NPHP4: variants seen among roughly 807,000 people sequenced by gnomAD.
The protein encoded by NPHP4 is nephrocystin 4.
Under a neutral mutation model 155.8 loss-of-function variants are expected in NPHP4, and 151 were observed. That is an observed-to-expected ratio of 0.97 (90% CI 0.85 to 1.11). NPHP4 has a LOEUF of 1.11. Ranked by LOEUF, NPHP4 falls within the 50% of genes least tolerant of loss-of-function variation. The probability of loss-of-function intolerance (pLI) is 0.00; values close to 1 mark genes in which losing one functional copy is unlikely to be tolerated. For synonymous variants in NPHP4, 845 were observed against 816.8 expected, an observed-to-expected ratio of 1.03 and a Z score of -0.59; for missense variants, 1,956 against 1,925.7, an observed-to-expected ratio of 1.02 and a Z score of -0.29.
intron 11 of NPHP4, 66 bp downstream of exon 11, chr1:5,927,583 C>T: frequency 6.6e-7 from 1 of 1,512,726 alleles, no homozygotes; most frequent in Non-Finnish European, 9.0e-7. Context: ...AAGTACCTTT[C>T]CCCGGGAAGA....
intron 19 of NPHP4, chr1:5,879,567 C>A (rs546216970): frequency 1.5e-5 from 8 of 519,060 alleles, no homozygotes; most frequent in South Asian, 1.1e-4. Flanking sequence ...AGCAGCCAAC[C>A]AGACACAAAT....
intron 5 of NPHP4, among the ~76,000 whole-genome samples, chr1:5,962,836 C>T (rs1179311360): frequency 1.3e-5 from 2 of 152,188 alleles, no homozygotes; most frequent in African/African-American, 4.8e-5. Context: ...TTCCCAGAAA[C>T]GGGAGTGCGG....
intron 16 of NPHP4, among the ~76,000 whole-genome samples, chr1:5,894,511 T>C (rs1007375942): frequency 1.3e-5 from 2 of 151,634 alleles, no homozygotes; most frequent in Non-Finnish European, 2.9e-5. Context: ...CATAAATAAC[T>C]TTCTGTCAAA....
chr1:5,920,695 T>C (rs1393406480), intron 11 of NPHP4, among the ~76,000 whole-genome samples: 1 of 152,250 alleles, frequency 6.6e-6, no homozygotes, highest in Non-Finnish European at 1.5e-5. Context: ...CTGCTTCTTA[T>C]TGATTTGGAG....
At chr1:5,877,409 T>C (rs752817277) in intron 19 of NPHP4, 111 bp from the exon 20 acceptor site, 6 of 739,076 alleles carry the variant, frequency 8.1e-6, no homozygotes, top group Non-Finnish European at 1.1e-5. Flanking sequence ...AGCTCAAGAG[T>C]GCGGCTCATG....
rs756370084 is a variant in NPHP4 at position 5,874,987 on chromosome 1, C to T, written c.2931G>A (p.Thr977=). ...IASLLSLAIT[T]EHTLHATLGV... ...CCAGCGTGGCGTGGAGCGTGTGCTCCGTGGTGATGGCCAGGCTCAGCAGGC... is the reference window on the plus strand; with the variant it reads ...CCAGCGTGGCGTGGAGCGTGTGCTCTGTGGTGATGGCCAGGCTCAGCAGGC... Residue 977 remains threonine, a synonymous_variant, in exon 21 of 30, where the codon ACG becomes ACA. Coordinates refer to ENST00000378156, the MANE Select transcript of NPHP4 (RefSeq NM_015102.5). 175 of 1,612,534 alleles carry T rather than the reference C, an allele frequency of 1.1e-4. No homozygotes were observed. The highest frequency in any genetic ancestry group is 2.6e-4 in the South Asian group (24 of 91,078).
rs751938743 is a variant in NPHP4, at chr1:5,867,864, G to A, written c.3348C>T (p.Ile1116=). 1.1e-5 allele frequency: 18 copies of A among 1,613,934 alleles called. No individual in the cohort carries two copies. Among genetic ancestry groups the A allele is most frequent in the South Asian group, 3.3e-5 (3 of 91,086 alleles). The change falls in exon 24 of 30, where the codon ATC becomes ATT. Residue 1116 remains isoleucine, a synonymous_variant. Transcript: ENST00000378156. This position sits in a 1 kb window ranked among gnomAD's most constrained non-coding sequence, Gnocchi z 4.1. Reference sequence around the variant, plus strand: ...GCTCCACAGTCAGGCAGAGCACGGCGATGGGCTTGCCACCACTCGCTCGGA... The same window carrying A: ...GCTCCACAGTCAGGCAGAGCACGGCAATGGGCTTGCCACCACTCGCTCGGA... ...VLFRASGGKP[I]AVLCLTVELQ... is the part of the protein sequence containing the mutation.
intron 7 of NPHP4, among the ~76,000 whole-genome samples, chr1:5,948,484 G>C (rs1413664669): frequency 6.6e-6 from 1 of 152,222 alleles, no homozygotes; most frequent in Non-Finnish European, 1.5e-5. Context: ...AACACAGCAT[G>C]ATCCTCTCAG....
Position 5,873,310 on chromosome 1 carries a change from T to C in NPHP4, c.3257A>G (p.Lys1086Arg), listed in dbSNP as rs1422091997. ...CCAAGGTGACACGGCGTCCATGCCC[T>C]TCTCGTTGCTCAACCCAGGAGAGGC... Reference protein sequence around the residue: ...VQASPGLSNEKGMDAVSPWKS... With the variant: ...VQASPGLSNERGMDAVSPWKS... Residue 1086 changes from lysine to arginine, a missense_variant, in exon 23 of 30, where the codon AAG (lysine) becomes AGG (arginine). Lys to Arg is a conservative substitution (Grantham distance 26). Transcript: ENST00000378156. 6.2e-7 allele frequency: 1 copy of C among 1,613,914 alleles called. No individual in the cohort carries two copies. The highest frequency in any genetic ancestry group is 1.3e-5 in the African/African-American group (1 of 75,034).
At chr1:5,941,730 G>A (rs138089503) in intron 9 of NPHP4, among the ~76,000 whole-genome samples, 4 of 152,302 alleles carry the variant, frequency 2.6e-5, no homozygotes, top group Non-Finnish European at 4.4e-5. Context: ...GACTCCATCC[G>A]GCCAAATCTG....
intron 11 of NPHP4, among the ~76,000 whole-genome samples, chr1:5,913,900 A>G (rs1645318061): frequency 6.6e-6 from 1 of 152,232 alleles, no homozygotes; most frequent in Admixed American, 6.5e-5. Flanking sequence ...TGTTACCCAG[A>G]GTAATAATAC....
At position 5,892,508 on chromosome 1, in the gene NPHP4, T is replaced by C. The variant is rs1441952848; in HGVS notation, c.2144-1480A>G. ...TCCCACATGGTGGGGGCGCAGTTAT[T>C]TGTTTGCTGAGTAAGTGAATTAATG... On this transcript the variant is annotated intron_variant, in intron 16 of 29. Transcript: ENST00000378156. This position sits in a 1 kb window ranked among gnomAD's most constrained non-coding sequence, Gnocchi z 4.5. Among the ~76,000 whole-genome samples, 1 of 152,160 alleles carries C rather than the reference T, an allele frequency of 6.6e-6. No homozygotes were observed. The highest frequency in any genetic ancestry group is 1.5e-5 in the Non-Finnish European group (1 of 68,012).
chr1:5,989,603 A>G (rs1217863185), intron 1 of NPHP4, among the ~76,000 whole-genome samples: 1 of 152,216 alleles, frequency 6.6e-6, no homozygotes, highest in Admixed American at 6.5e-5. Context: ...TAGCAAAGCT[A>G]CCCTCAAGCT....
At chr1:5,956,675 G>A (rs1450680834) in intron 6 of NPHP4, among the ~76,000 whole-genome samples, 1 of 152,124 alleles carries the variant, frequency 6.6e-6, no homozygotes, top group Non-Finnish European at 1.5e-5. Flanking sequence ...TGTTGCCTTC[G>A]CACATCTGAA....
chr1:5,986,462 A>G lies in NPHP4; in HGVS notation c.-38-135T>C, dbSNP rs1226596456. The G allele has an allele frequency of 5.9e-5, 40 of 683,174 alleles. No individual in the cohort carries two copies. The East Asian group carries it at 1.2e-3, about 20-fold the overall frequency. 42.3% of individuals were successfully genotyped at this position (683,174 alleles called of 1,614,324 possible). ...AAACCCACACTCTGCAAACCCCAGA[A>G]GAGTGGACTTTGTTGCTGGCTGGCA... is the stretch of plus-strand genomic sequence containing the variant. On this transcript the variant is annotated intron_variant, in intron 1 of 29. Coordinates refer to ENST00000378156, the MANE Select transcript of NPHP4 (RefSeq NM_015102.5).
intron 26 of NPHP4, 125 bp from the exon 27 acceptor site, chr1:5,865,398 C>T: frequency 1.2e-6 from 1 of 867,070 alleles, no homozygotes; most frequent in Non-Finnish European, 1.7e-6. Context: ...CCCAGAGGAC[C>T]AGGCCACAGG....
chr1:5,904,687 G>A lies in NPHP4; in HGVS notation c.2073C>T (p.Ala691=), dbSNP rs773208084. ...PRLQLVQLDE[A]GQPSSGALTH... is the part of the protein sequence containing the mutation. Reference sequence around the variant, plus strand: ...TCAGGGCGCCAGAGCTGGGCTGGCCGGCCTCATCCAGCTGGACCAGCTGCA... The same window carrying A: ...TCAGGGCGCCAGAGCTGGGCTGGCCAGCCTCATCCAGCTGGACCAGCTGCA... The change falls in exon 16 of 30, where the codon GCC becomes GCT. Residue 691 remains alanine (A), a synonymous_variant. Transcript: ENST00000378156. 4.2e-5 allele frequency: 67 copies of A among 1,613,896 alleles called. No homozygotes were observed. Among genetic ancestry groups the A allele is most frequent in the South Asian group, 3.6e-4 (33 of 91,084 alleles).
Position 5,874,476 on chromosome 1 carries a change from C to A in NPHP4, c.3226G>T (p.Val1076Leu). ...QSFSAGQLAM[V>L]QASPGLSNEK... ...TGTGTGCCTGACACCCGCACCTGCA[C>A]CATGGCCAGCTGCCCTGCAGAGAAG... The change falls in exon 22 of 30, where the codon GTG (valine) becomes TTG (leucine). Residue 1076 changes from valine to leucine, a missense_variant. Coordinates refer to ENST00000378156, the MANE Select transcript of NPHP4 (RefSeq NM_015102.5). 1 of 1,546,462 alleles carries A rather than the reference C, an allele frequency of 6.5e-7. No individual in the cohort carries two copies. The highest frequency in any genetic ancestry group is 8.7e-7 in the Non-Finnish European group (1 of 1,143,248).
Position 5,986,315 on chromosome 1 carries a change from C to T in NPHP4, c.-26G>A. 2 of 1,612,520 alleles carry T rather than the reference C, an allele frequency of 1.2e-6. No homozygotes were observed. The highest frequency in any genetic ancestry group is 1.7e-6 in the Non-Finnish European group (2 of 1,179,186). Reference sequence around the variant, plus strand: ...CCTGCCCGCCTGAGGGTCCCGTGGGCTTCCCGGATGATCTGTGCCAGTCGT... The same window carrying T: ...CCTGCCCGCCTGAGGGTCCCGTGGGTTTCCCGGATGATCTGTGCCAGTCGT... On this transcript the variant is annotated 5_prime_UTR_variant, in exon 2 of 30. Coordinates refer to ENST00000378156, the MANE Select transcript of NPHP4 (RefSeq NM_015102.5).
Sources: gnomAD v4.1 joint callset for allele counts (sites outside exome capture counted in the v4.1 genomes callset) on GRCh38, gnomAD v4.1.1 for gene constraint, Gnocchi (gnomAD v3.1) non-coding constraint, MANE v1.5 for transcripts, NCBI Gene and HGNC (gene_info 2026-07-23, HGNC 2026-07-21) for gene names.